MAD1L1: variants seen among roughly 807,000 people sequenced by gnomAD.
MAD1L1 encodes the protein mitotic spindle assembly checkpoint protein MAD1.
A neutral mutation model predicts 96.9 loss-of-function variants in MAD1L1; 95 were observed. That is an observed-to-expected ratio of 0.98 (90% CI 0.83 to 1.16). The LOEUF (loss-of-function observed/expected upper bound fraction) is 1.16. Among genes scored for constraint, MAD1L1 ranks in the 50% most tolerant of loss-of-function variants. The pLI is 0.00. For missense variants in MAD1L1, 1,007 were observed against 954.4 expected (o/e 1.06, Z -0.73); for synonymous variants, 473 against 396.6 (o/e 1.19, Z -2.29).
At chr7:2,082,730 T>C (rs1265547530) in intron 11 of MAD1L1, among the ~76,000 whole-genome samples, 1 of 152,204 alleles carries the variant, frequency 6.6e-6, no homozygotes, top group African/African-American at 2.4e-5. Context: ...AATCACCCGA[T>C]AGCCCAATTA....
chr7:2,121,963 C>T (rs1357952064), intron 11 of MAD1L1, among the ~76,000 whole-genome samples: 4 of 152,194 alleles, frequency 2.6e-5, no homozygotes, highest in East Asian at 3.9e-4. Flanking sequence ...AGAGCCAAGA[C>T]GCACCAAGAC....
intron 10 of MAD1L1, among the ~76,000 whole-genome samples, chr7:2,195,969 T>C (rs888758151): frequency 1.3e-5 from 2 of 152,236 alleles, no homozygotes; most frequent in African/African-American, 4.8e-5. Flanking sequence ...CCCAACAGAA[T>C]CCTTTCAGTG....
chr7:2,211,370 G>A (rs1792938860), intron 10 of MAD1L1, among the ~76,000 whole-genome samples: 1 of 152,192 alleles, frequency 6.6e-6, no homozygotes, highest in Non-Finnish European at 1.5e-5. Context: ...GCGGGAACAG[G>A]GCTGAAAGGA....
At chr7:1,868,477 A>ACCCCC (rs1554277847) in intron 18 of MAD1L1, among the ~76,000 whole-genome samples, 136 of 115,410 alleles carry the variant, frequency 1.2e-3, no homozygotes, top group Admixed American at 1.5e-3. Flanking sequence ...GAGGCCTCCC[A>ACCCCC]CCCACCCCAC....
At chr7:2,051,571 A>G (rs1784170932) in intron 12 of MAD1L1, among the ~76,000 whole-genome samples, 1 of 152,108 alleles carries the variant, frequency 6.6e-6, no homozygotes, top group African/African-American at 2.4e-5. Flanking sequence ...GGAACGAGAC[A>G]TTGAAACCGC....
intron 13 of MAD1L1, among the ~76,000 whole-genome samples, chr7:2,011,135 C>A (rs945580422): frequency 6.6e-6 from 1 of 152,126 alleles, no homozygotes; most frequent in African/African-American, 2.4e-5. Context: ...GGCGGCCCCC[C>A]ACCCCCCGAC....
At chr7:1,916,091 C>T (rs1464380149) in intron 17 of MAD1L1, among the ~76,000 whole-genome samples, 2 of 152,134 alleles carry the variant, frequency 1.3e-5, no homozygotes, top group Non-Finnish European at 2.9e-5. Flanking sequence ...TGCAGGCATC[C>T]CCACACACTC....
chr7:2,020,045 A>G (rs775230022), intron 12 of MAD1L1, among the ~76,000 whole-genome samples: 11 of 152,248 alleles, frequency 7.2e-5, no homozygotes, highest in Non-Finnish European at 1.2e-4. Context: ...CCAGGCAGGC[A>G]CAGGGCTGAG....
intron 18 of MAD1L1, among the ~76,000 whole-genome samples, chr7:1,897,321 C>G (rs1786942805): frequency 6.6e-6 from 1 of 152,262 alleles, no homozygotes. Context: ...ACGCCCGTTC[C>G]AGACCACAGC....
At chr7:2,208,850 G>A (rs957144080) in intron 10 of MAD1L1, among the ~76,000 whole-genome samples, 25 of 151,990 alleles carry the variant, frequency 1.6e-4, no homozygotes, top group Admixed American at 1.4e-3. Context: ...TTCCTCACCC[G>A]TAAGTCACTC....
chr7:2,136,055 A>C (rs1315617878), intron 11 of MAD1L1, among the ~76,000 whole-genome samples: 1 of 151,576 alleles, frequency 6.6e-6, no homozygotes, highest in Non-Finnish European at 1.5e-5. Flanking sequence ...CCCTATGTCC[A>C]CTCCAAGCTC....
chr7:1,945,629 C>T (rs1246852111), intron 16 of MAD1L1, among the ~76,000 whole-genome samples: 1 of 152,214 alleles, frequency 6.6e-6, no homozygotes, highest in Admixed American at 6.5e-5. Flanking sequence ...TCTGCAGACG[C>T]CATGGGGTGC....
chr7:2,189,888 AC>A (rs1288670108), intron 10 of MAD1L1, among the ~76,000 whole-genome samples: 2 of 152,184 alleles, frequency 1.3e-5, no homozygotes, highest in Non-Finnish European at 2.9e-5. Flanking sequence ...CCTAAAACTA[AC>A]CTCATGCTTC....
At chr7:1,850,359 C>T (rs1238208659) in intron 18 of MAD1L1, among the ~76,000 whole-genome samples, 1 of 152,226 alleles carries the variant, frequency 6.6e-6, no homozygotes, top group East Asian at 1.9e-4. Context: ...TAGGAACTCA[C>T]CCCCTGCCAC....
chr7:2,056,427 GA>G (rs1784392709), intron 12 of MAD1L1, among the ~76,000 whole-genome samples: 1 of 142,050 alleles, frequency 7.0e-6, no homozygotes, highest in Non-Finnish European at 1.5e-5. Flanking sequence ...CTGCTCTAGG[GA>G]AAGAGGGCTA....
At chr7:2,110,419 G>A (rs1198345118) in intron 11 of MAD1L1, among the ~76,000 whole-genome samples, 2 of 152,142 alleles carry the variant, frequency 1.3e-5, no homozygotes, top group Non-Finnish European at 2.9e-5. Context: ...ATCAGACCCC[G>A]CAGGGCTGTG....
chr7:1,863,827 G>A lies in MAD1L1; in HGVS notation c.1998+34373C>T, dbSNP rs142169438. The stretch of plus-strand genomic sequence containing the variant: ...AGGAAGGCCAGGCGCGGTGGCTCCT[G>A]CCTGTAATCCCAGCACTCTGGCAGG... On this transcript the variant is annotated intron_variant, in intron 18 of 18. Coordinates refer to ENST00000265854, the MANE Select transcript of MAD1L1 (RefSeq NM_001013836.2). Among the ~76,000 whole-genome samples the A allele has an allele frequency of 4.0e-3, 615 of 152,242 alleles. 5 individuals carry two copies. Among genetic ancestry groups the A allele is most frequent in the African/African-American group, 0.014 (561 of 41,536 alleles).
intron 12 of MAD1L1, among the ~76,000 whole-genome samples, chr7:2,044,517 G>A (rs1343033087): frequency 2.6e-5 from 4 of 152,214 alleles, no homozygotes; most frequent in South Asian, 2.1e-4. Flanking sequence ...AGAGGAGCCC[G>A]CAGCATGTGT....
At chr7:2,217,896 G>C in intron 7 of MAD1L1, 66 bp downstream of exon 7, 1 of 1,378,998 alleles carries the variant, frequency 7.3e-7, no homozygotes. Context: ...CAGAAAGGCC[G>C]ACAGGGGCAG....
Sources: gnomAD v4.1 joint callset for allele counts (sites outside exome capture counted in the v4.1 genomes callset) on GRCh38, gnomAD v4.1.1 for gene constraint, MANE v1.5 for transcripts, NCBI Gene and HGNC (gene_info 2026-07-23, HGNC 2026-07-21) for gene names.